Variants in PSD3 observed in about 807,000 individuals in gnomAD.
The protein encoded by PSD3 is PH and SEC7 domain-containing protein 3.
Under a neutral mutation model 105.5 loss-of-function variants are expected in PSD3, and 49 were observed. The observed-to-expected ratio is 0.46, with a 90% CI of 0.37 to 0.59. The LOEUF is 0.59. Among genes scored for constraint, PSD3 ranks in the 20% least tolerant of loss-of-function variants. The pLI is 0.00. For missense variants in PSD3, 1,561 were observed against 1,263.8 expected, an observed-to-expected ratio of 1.24 and a Z score of -3.57; for synonymous variants, 557 against 457.8, an observed-to-expected ratio of 1.22 and a Z score of -2.77.
intron 12 of PSD3, among the ~76,000 whole-genome samples, chr8:18,599,027 T>G (rs1403622922): frequency 6.6e-6 from 1 of 151,842 alleles, no homozygotes; most frequent in Non-Finnish European, 1.5e-5. Context: ...AGTGGAATTT[T>G]TTACAGAAAA....
intron 9 of PSD3, among the ~76,000 whole-genome samples, chr8:18,704,998 T>C (rs1223717766): frequency 1.3e-5 from 2 of 151,984 alleles, no homozygotes; most frequent in Non-Finnish European, 2.9e-5. Flanking sequence ...AAAAATTAAC[T>C]AGTACCAAAA....
intron 14 of PSD3, among the ~76,000 whole-genome samples, chr8:18,570,270 A>G (rs1194692469): frequency 5.5e-5 from 1 of 18,182 alleles, no homozygotes; most frequent in Admixed American, 8.0e-4. Flanking sequence ...AGCCATATGT[A>G]GAAAGCTGAA....
intron 10 of PSD3, among the ~76,000 whole-genome samples, chr8:18,645,543 A>G (rs1390388628): frequency 6.6e-6 from 1 of 152,222 alleles, no homozygotes; most frequent in African/African-American, 2.4e-5. Context: ...ACCACTATAC[A>G]TATATAGATT....
At chr8:18,668,553 T>C (rs1389466029) in intron 9 of PSD3, among the ~76,000 whole-genome samples, 2 of 152,182 alleles carry the variant, frequency 1.3e-5, no homozygotes, top group Non-Finnish European at 2.9e-5. Flanking sequence ...CTGATGCCTA[T>C]GAAGGTTAAG....
chr8:18,674,030 C>G (rs1199117321), intron 9 of PSD3, among the ~76,000 whole-genome samples: 1 of 152,014 alleles, frequency 6.6e-6, no homozygotes, highest in Non-Finnish European at 1.5e-5. Context: ...GTGGCTCCTG[C>G]TACTCTGGAA....
chr8:18,600,369 G>T lies in PSD3; in HGVS notation c.2476C>A (p.Gln826Lys), dbSNP rs1321321769. ...AVLKGTVLYL[Q>K]KDEYKPEKAL... ...TTTATCTGCTTTACTTTTACCTTTT[G>T]CAAGTAAAGAACTGTTCCCTTCAGT... Residue 826 changes from glutamine to lysine, a missense_variant, in exon 12 of 16, where the codon CAA becomes AAA. By Grantham distance (53) the Gln-to-Lys change is moderately conservative. Transcript: ENST00000327040. The T allele has an allele frequency of 1.9e-6, 3 of 1,608,470 alleles. No homozygotes were observed. The highest frequency in any genetic ancestry group is 2.5e-6 in the Non-Finnish European group (3 of 1,177,392).
intron 1 of PSD3, among the ~76,000 whole-genome samples, chr8:19,079,720 A>G (rs1180152753): frequency 6.6e-6 from 1 of 152,120 alleles, no homozygotes; most frequent in Non-Finnish European, 1.5e-5. Flanking sequence ...GGGAATTTGT[A>G]TTACTGTTCA....
chr8:18,863,223 A>G (rs562782272), intron 4 of PSD3, among the ~76,000 whole-genome samples: 1 of 152,246 alleles, frequency 6.6e-6, no homozygotes, highest in East Asian at 1.9e-4. Context: ...TAATGGTCAC[A>G]GTGACAACAC....
intron 1 of PSD3, among the ~76,000 whole-genome samples, chr8:19,045,474 C>T (rs1266917745): frequency 6.6e-6 from 1 of 152,176 alleles, no homozygotes; most frequent in African/African-American, 2.4e-5. Context: ...AAGCTTCTTT[C>T]CTGGACAAAC....
intron 12 of PSD3, among the ~76,000 whole-genome samples, chr8:18,575,519 G>GT (rs1257159637): frequency 6.6e-6 from 1 of 151,992 alleles, no homozygotes; most frequent in Non-Finnish European, 1.5e-5. Context: ...TTAAAAATCA[G>GT]TTTTTTTAAA....
chr8:19,056,011 TA>T (rs1828698579), intron 1 of PSD3, among the ~76,000 whole-genome samples: 2 of 152,208 alleles, frequency 1.3e-5, no homozygotes, highest in African/African-American at 4.8e-5. Flanking sequence ...ATAACTCTAT[TA>T]TCTTGAAAAA....
intron 2 of PSD3, among the ~76,000 whole-genome samples, chr8:18,908,645 C>T (rs1301439723): frequency 4.6e-5 from 7 of 152,184 alleles, no homozygotes; most frequent in African/African-American, 1.7e-4. Flanking sequence ...GCAGGATCTT[C>T]AGCATGAAAC....
chr8:19,060,796 G>T (rs947575461), intron 1 of PSD3, among the ~76,000 whole-genome samples: 29 of 152,184 alleles, frequency 1.9e-4, no homozygotes, highest in African/African-American at 6.5e-4. Flanking sequence ...TTAGCTGAAG[G>T]GGGAAAGAAG....
chr8:18,968,694 G>T (rs1824439802), intron 1 of PSD3, among the ~76,000 whole-genome samples: 1 of 152,012 alleles, frequency 6.6e-6, no homozygotes, highest in African/African-American at 2.4e-5. Context: ...GACCAACATG[G>T]TGAAACCCCG....
chr8:18,824,668 T>C (rs915330789), intron 4 of PSD3, among the ~76,000 whole-genome samples: 2 of 152,220 alleles, frequency 1.3e-5, no homozygotes, highest in Non-Finnish European at 2.9e-5. Flanking sequence ...GCATACACTT[T>C]ATTATCTATG....
At chr8:19,019,980 C>G (rs1827311119) in intron 1 of PSD3, among the ~76,000 whole-genome samples, 1 of 152,188 alleles carries the variant, frequency 6.6e-6, no homozygotes, top group Non-Finnish European at 1.5e-5. Context: ...AGGGTAGACT[C>G]AGCTCACCTT....
chr8:19,082,279 T>A (rs1019621026), intron 1 of PSD3, among the ~76,000 whole-genome samples: 4 of 152,164 alleles, frequency 2.6e-5, no homozygotes, highest in Admixed American at 6.5e-5. Context: ...GGGAATCACA[T>A]TGTCTGACCA....
intron 1 of PSD3, among the ~76,000 whole-genome samples, chr8:19,022,126 A>C (rs574242684): frequency 1.3e-5 from 2 of 152,086 alleles, no homozygotes; most frequent in Non-Finnish European, 2.9e-5. Flanking sequence ...TTTTAAAACA[A>C]CCAGATCTCA....
intron 4 of PSD3, among the ~76,000 whole-genome samples, chr8:18,846,038 A>G (rs1346120783): frequency 6.6e-6 from 1 of 152,204 alleles, no homozygotes; most frequent in Non-Finnish European, 1.5e-5. Flanking sequence ...TTCTTTGTAG[A>G]GATGGGATGT....
Sources: allele counts gnomAD v4.1 joint callset (sites outside exome capture counted in the v4.1 genomes callset), GRCh38; gene constraint gnomAD v4.1.1; transcripts MANE v1.5; gene names NCBI Gene and HGNC (gene_info 2026-07-23, HGNC 2026-07-21).